CD200: variants seen among roughly 807,000 people sequenced by gnomAD.
The protein encoded by CD200 is OX-2 membrane glycoprotein.
Under a neutral mutation model 30.9 loss-of-function variants are expected in CD200, and 15 were observed. That is an observed-to-expected ratio of 0.49 (90% confidence interval 0.32 to 0.75). The LOEUF is 0.75. Among genes scored for constraint, CD200 ranks in the 30% least tolerant of loss-of-function variants. CD200 has a pLI of 0.03. For missense variants in CD200, 262 were observed against 324.2 expected, an observed-to-expected ratio of 0.81 and a Z score of 1.47; for synonymous variants, 134 against 126.2, an observed-to-expected ratio of 1.06 and a Z score of -0.41.
intron 4 of CD200, among the ~76,000 whole-genome samples, chr3:112,349,185 T>C (rs1054339261): frequency 8.5e-5 from 13 of 152,174 alleles, no homozygotes; most frequent in African/African-American, 3.1e-4. Context: ...TTAGGCTGAG[T>C]TGCATTAAAG....
chr3:112,347,535 A>T (rs752112960), intron 3 of CD200, 23 bp from the exon 4 acceptor site: 7 of 1,611,398 alleles, frequency 4.3e-6, no homozygotes, highest in Non-Finnish European at 5.9e-6. Flanking sequence ...CTGATAACAG[A>T]TCATATTTAT....
At chr3:112,356,759 G>A (rs1467653209) in intron 5 of CD200, among the ~76,000 whole-genome samples, 1 of 152,166 alleles carries the variant, frequency 6.6e-6, no homozygotes, top group Middle Eastern at 3.2e-3. Context: ...TTGTTTTCTA[G>A]TCAGTCATTT....
chr3:112,333,749 C>T (rs1394515575), intron 1 of CD200: 1 of 985,458 alleles, frequency 1.0e-6, no homozygotes. Flanking sequence ...CTTTCTCCCT[C>T]CTAGCCCTTG....
intron 5 of CD200, among the ~76,000 whole-genome samples, chr3:112,352,011 C>G (rs1374930376): frequency 6.6e-6 from 1 of 152,186 alleles, no homozygotes; most frequent in Non-Finnish European, 1.5e-5. Flanking sequence ...CCCCCTTAAA[C>G]ACCTCCCATT....
At chr3:112,348,695 C>T (rs2081461591) in intron 4 of CD200, among the ~76,000 whole-genome samples, 1 of 152,144 alleles carries the variant, frequency 6.6e-6, no homozygotes, top group Admixed American at 6.5e-5. Context: ...TCTACACCCA[C>T]CTCTTTACTG....
At chr3:112,333,054 G>C, upstream of CD200, 1 of 1,036,480 alleles carries the variant, frequency 9.6e-7, no homozygotes, top group African/African-American at 1.6e-5. Context: ...CTCCGCTCCT[G>C]TGAGGGCGTG....
At chr3:112,333,721 C>T (rs1327987806) in intron 1 of CD200, 4 of 985,308 alleles carry the variant, frequency 4.1e-6, no homozygotes, top group South Asian at 9.4e-5. Flanking sequence ...CCTGCGTCTC[C>T]TCTTTGTTAT....
intron 5 of CD200, among the ~76,000 whole-genome samples, chr3:112,356,182 A>G (rs2108470669): frequency 6.6e-6 from 1 of 152,310 alleles, no homozygotes; most frequent in African/African-American, 2.4e-5. Flanking sequence ...GTCTCCGTGG[A>G]CACTAGTTTA....
At chr3:112,342,128 CATTTT>C (rs1156588268) in intron 2 of CD200, among the ~76,000 whole-genome samples, 2 of 151,814 alleles carry the variant, frequency 1.3e-5, no homozygotes, top group African/African-American at 4.8e-5. Flanking sequence ...TTTTGTGTAC[CATTTT>C]ATTAGTGTCT....
intron 1 of CD200, among the ~76,000 whole-genome samples, chr3:112,337,942 T>G (rs2081155415): frequency 6.6e-6 from 1 of 152,212 alleles, no homozygotes; most frequent in African/African-American, 2.4e-5. Flanking sequence ...ACAATATAAA[T>G]TCTATATAAA....
At chr3:112,353,970 G>A (rs957792183) in intron 5 of CD200, among the ~76,000 whole-genome samples, 1 of 152,308 alleles carries the variant, frequency 6.6e-6, no homozygotes, top group African/African-American at 2.4e-5. Flanking sequence ...ATTGCTGGGA[G>A]AAATCTTGAA....
intron 1 of CD200, among the ~76,000 whole-genome samples, chr3:112,334,459 CTAAG>C (rs1559777775): frequency 6.6e-6 from 1 of 152,182 alleles, no homozygotes; most frequent in Non-Finnish European, 1.5e-5. Flanking sequence ...AGGCTCTATA[CTAAG>C]TGCTTTAATT....
At chr3:112,357,230 C>A (rs1326464595) in intron 5 of CD200, among the ~76,000 whole-genome samples, 2 of 137,168 alleles carry the variant, frequency 1.5e-5, no homozygotes, top group Non-Finnish European at 3.0e-5. Flanking sequence ...CACTGCACTC[C>A]AGCCTGGGGG....
At chr3:112,336,098 A>T (rs1405639370) in intron 1 of CD200, 1 of 943,464 alleles carries the variant, frequency 1.1e-6, no homozygotes, top group South Asian at 1.3e-5. Flanking sequence ...ATTATATAAG[A>T]TTAATGTTTG....
At chr3:112,339,166 G>T (rs562919798) in intron 1 of CD200, among the ~76,000 whole-genome samples, 115 of 152,236 alleles carry the variant, frequency 7.6e-4, no homozygotes, top group African/African-American at 2.7e-3. Context: ...GTATCATCTG[G>T]TGTGATTTTT....
Position 112,333,172 on chromosome 3 carries a change from A to T in CD200, c.-41A>T. The T allele has an allele frequency of 1.9e-6, 3 of 1,548,750 alleles. No homozygotes were observed. Among genetic ancestry groups the T allele is most frequent in the Non-Finnish European group, 2.6e-6 (3 of 1,146,606 alleles). On this transcript the variant is annotated 5_prime_UTR_variant, in exon 1 of 6. Coordinates refer to ENST00000315711, the MANE Select transcript of CD200 (RefSeq NM_005944.7). ...CTGCCTAGCAGAGCTCCAGGCGCAC[A>T]TCCGCAGTCAGCCACCTCGCGCGCG...
intron 2 of CD200, among the ~76,000 whole-genome samples, chr3:112,343,313 C>T (rs1420719337): frequency 6.6e-6 from 1 of 151,620 alleles, no homozygotes; most frequent in Non-Finnish European, 1.5e-5. Context: ...TTCAAATTTT[C>T]TTTTCTTTGT....
chr3:112,338,802 A>T (rs1200422947), intron 1 of CD200, among the ~76,000 whole-genome samples: 1 of 152,184 alleles, frequency 6.6e-6, no homozygotes, highest in Admixed American at 6.5e-5. Flanking sequence ...TACTTTTGTG[A>T]CGATGTGTCA....
At chr3:112,352,980 G>A (rs1219246860) in intron 5 of CD200, among the ~76,000 whole-genome samples, 2 of 152,098 alleles carry the variant, frequency 1.3e-5, no homozygotes, top group African/African-American at 4.8e-5. Context: ...ACCACAGTAA[G>A]ACTAATAAGA....
Sources: allele counts gnomAD v4.1 joint callset (sites outside exome capture counted in the v4.1 genomes callset), GRCh38; gene constraint gnomAD v4.1.1; transcripts MANE v1.5; gene names NCBI Gene and HGNC (gene_info 2026-07-23, HGNC 2026-07-21).